Variants in TMEM102 observed in about 807,000 individuals in gnomAD.
TMEM102 encodes transmembrane protein 102, also known as DANGER family member 2B.
Under a neutral mutation model 26.8 loss-of-function variants are expected in TMEM102, and 28 were observed. That is an observed-to-expected ratio of 1.05 (90% CI 0.77 to 1.43). TMEM102 has a LOEUF of 1.43. TMEM102 is among the 40% of genes most tolerant of loss of function. The pLI is 0.00. For missense variants in TMEM102, 677 were observed against 705.6 expected, an observed-to-expected ratio of 0.96 and a Z score of 0.46; for synonymous variants, 306 against 332.1, an observed-to-expected ratio of 0.92 and a Z score of 0.86.
In TMEM102 at chr17:7,436,536, G is replaced by A. The variant is rs767153426; in HGVS notation, c.557G>A (p.Trp186Ter). Reference protein sequence around the residue: ...RTESEESSKDWQSSVDQPHSY... With the variant: ...RTESEESSKD ...GAGAGCGAAGAAAGTTCCAAGGACTGGCAAAGCTCTGTAGACCAGCCGCAC... is the reference window on the plus strand; with the variant it reads ...GAGAGCGAAGAAAGTTCCAAGGACTAGCAAAGCTCTGTAGACCAGCCGCAC... The change falls in exon 3 of 3, where the codon TGG (tryptophan) becomes TAG (stop). Residue 186 changes from tryptophan (W) to a stop codon, truncating the protein, a stop_gained. Coordinates refer to ENST00000323206, the MANE Select transcript of TMEM102 (RefSeq NM_178518.3). LOFTEE classifies it high-confidence loss of function. The A allele has an allele frequency of 2.3e-5, 37 of 1,613,882 alleles. No homozygotes were observed. The highest frequency in any genetic ancestry group is 3.4e-6 in the Non-Finnish European group (4 of 1,180,046).
Position 7,436,268 on chromosome 17 carries a change from G to A in TMEM102, c.289G>A (p.Gly97Ser). The A allele has an allele frequency of 3.1e-6, 5 of 1,613,632 alleles. No individual in the cohort carries two copies. The highest frequency in any genetic ancestry group is 4.2e-6 in the Non-Finnish European group (5 of 1,180,016). The change falls in exon 3 of 3, where the codon GGC (glycine) becomes AGC (serine). Residue 97 changes from glycine (G) to serine (S), a missense_variant. Physicochemically the swap from Gly to Ser is moderately conservative, Grantham distance 56 (BLOSUM62 0). Coordinates refer to ENST00000323206, the MANE Select transcript of TMEM102 (RefSeq NM_178518.3). The part of the protein sequence containing the change: ...LLLLRGGIRE[G>S]SLDLGHAPLG... ...GCTGCTTCGTGGTGGGATTCGCGAG[G>A]GCTCCCTGGATCTGGGGCATGCACC...
rs1200167203 is a variant in TMEM102, at chr17:7,435,964, G to A, written c.93G>A (p.Gly31=). The part of the protein sequence containing the change: ...RPLTDIDFCS[G]AQLQELTQLI... ...TCACGGACATCGACTTCTGCTCCGG[G>A]GCGCAGCTGCAGGAATTGACCCAGC... is the stretch of plus-strand genomic sequence containing the variant. The change falls in exon 2 of 3, where the codon GGG becomes GGA. Residue 31 remains glycine (G), a synonymous_variant. Coordinates refer to ENST00000323206, the MANE Select transcript of TMEM102 (RefSeq NM_178518.3). 1.9e-6 allele frequency: 3 copies of A among 1,613,066 alleles called. No homozygotes were observed. In the African/African-American group the frequency reaches 4.0e-5, roughly 22 times the overall value.
Position 7,437,072 on chromosome 17 carries a change from C to T in TMEM102, c.1093C>T (p.Leu365Phe). The T allele has an allele frequency of 6.5e-7, 1 of 1,539,062 alleles. No homozygotes were observed. The highest frequency in any genetic ancestry group is 1.2e-5 in the South Asian group (1 of 84,360). Residue 365 changes from leucine (L) to phenylalanine (F), a missense_variant, in exon 3 of 3, where the codon CTC becomes TTC. By Grantham distance (22) the Leu-to-Phe change is conservative. Transcript: ENST00000323206. This position sits in a 1 kb window ranked among gnomAD's most constrained non-coding sequence, Gnocchi z 4.2. ...TERPCASAWQ[L>F]CFARQELALK... The stretch of plus-strand genomic sequence containing the variant: ...GCGGCCGTGCGCCTCCGCCTGGCAG[C>T]TCTGTTTTGCCCGCCAGGAGCTGGC...
rs1334363852 is a variant in TMEM102, at chr17:7,436,775, G to A, written c.796G>A (p.Val266Met). 8 of 1,613,702 alleles carry A rather than the reference G, an allele frequency of 5.0e-6. No individual in the cohort carries two copies. The Admixed American group carries it at 1.2e-4, about 24-fold the overall frequency. ...GTGGCCCACATTATGTTCCGCCCAG[G>A]TGGCTGCCTGGTTCTTTGCTACGCT... Reference protein sequence around the residue: ...EAWPTLCSAQVAAWFFATLAA... With the variant: ...EAWPTLCSAQMAAWFFATLAA... Residue 266 changes from valine to methionine, a missense_variant, in exon 3 of 3, where the codon GTG (valine) becomes ATG (methionine). Transcript: ENST00000323206.
chr17:7,436,584 C>A lies in TMEM102; in HGVS notation c.605C>A (p.Ala202Glu), dbSNP rs76805816. 6.2e-7 allele frequency: 1 copy of A among 1,613,950 alleles called. No individual in the cohort carries two copies. The highest frequency in any genetic ancestry group is 1.1e-5 in the South Asian group (1 of 91,086). ...QPHSYVTEHEAPVSLEKSPSD... is the reference protein window; with the variant it reads ...QPHSYVTEHEEPVSLEKSPSD... The stretch of plus-strand genomic sequence containing the variant: ...CACAGCTACGTCACTGAGCACGAGG[C>A]GCCGGTGTCTTTGGAAAAATCGCCT... Residue 202 changes from alanine to glutamate, a missense_variant, in exon 3 of 3, where the codon GCG becomes GAG. By Grantham distance (107) the Ala-to-Glu change is moderately radical (BLOSUM62 -1). Coordinates refer to ENST00000323206, the MANE Select transcript of TMEM102 (RefSeq NM_178518.3).
In TMEM102 at chr17:7,437,284, CG is replaced by C. The variant is rs1908082342; in HGVS notation, c.1308del (p.Leu437CysfsTer2). On this transcript the variant is annotated frameshift_variant, in exon 3 of 3. Transcript: ENST00000323206. LOFTEE classifies it high-confidence loss of function. This position sits in a 1 kb window ranked among gnomAD's most constrained non-coding sequence, Gnocchi z 4.2. ...RPENAGACCL[G>X]LLDELGRVLE... ...CAGAAAATGCGGGCGCCTGCTGCCT[CG>C]GGCTGCTAGACGAGCTCGGCCGAGT... The C allele has an allele frequency of 6.5e-7, 1 of 1,545,432 alleles. No homozygotes were observed. The highest frequency in any genetic ancestry group is 2.1e-5 in the Admixed American group (1 of 48,358).
chr17:7,436,310 C>G lies in TMEM102; in HGVS notation c.331C>G (p.Arg111Gly). The change falls in exon 3 of 3, where the codon CGG (arginine) becomes GGG (glycine). Residue 111 changes from arginine (R) to glycine (G), a missense_variant. By Grantham distance (125) the Arg-to-Gly change is moderately radical (BLOSUM62 -2). Coordinates refer to ENST00000323206, the MANE Select transcript of TMEM102 (RefSeq NM_178518.3). ...LGHAPLGPYA[R>G]GPHYDAGFTL... Reference sequence around the variant, plus strand: ...GCATGCACCCCTGGGTCCCTACGCCCGGGGACCTCACTACGATGCCGGCTT... The same window carrying G: ...GCATGCACCCCTGGGTCCCTACGCCGGGGGACCTCACTACGATGCCGGCTT... 6.2e-7 allele frequency: 1 copy of G among 1,613,786 alleles called. No individual in the cohort carries two copies. The highest frequency in any genetic ancestry group is 8.5e-7 in the Non-Finnish European group (1 of 1,180,018).
chr17:7,435,775 T>C (rs1907985281), intron 1 of TMEM102, 78 bp from the exon 2 acceptor site: 2 of 1,160,132 alleles, frequency 1.7e-6, no homozygotes, highest in Non-Finnish European at 2.4e-6. Context: ...TCTGGGGCAC[T>C]CGCTCGGCCT....
rs748940661 is a variant in TMEM102, at chr17:7,437,243, C to A, written c.1264C>A (p.Leu422Ile). The A allele has an allele frequency of 5.2e-6, 8 of 1,523,876 alleles. No homozygotes were observed. Among genetic ancestry groups the A allele is most frequent in the Non-Finnish European group, 7.0e-6 (8 of 1,138,876 alleles). 94.4% of individuals were successfully genotyped at this position (1,523,876 alleles called of 1,614,324 possible). ...CTGGGCGTGCGAGCGGCTGCCTGCG[C>A]TCTACCTGGCGCGGCCAGAAAATGC... ...LYWACERLPA[L>I]YLARPENAGA... is the part of the protein sequence containing the mutation. The change falls in exon 3 of 3, where the codon CTC (leucine) becomes ATC (isoleucine). Residue 422 changes from leucine to isoleucine, a missense_variant. Transcript: ENST00000323206. This position sits in a 1 kb window ranked among gnomAD's most constrained non-coding sequence, Gnocchi z 4.2.
In TMEM102 at chr17:7,435,921, C is replaced by T. The variant is rs1404119777; in HGVS notation, c.50C>T (p.Pro17Leu). The part of the protein sequence containing the change: ...GSAPWWGPPP[P>L]APARPLTDID... ...GCCCCCTGGTGGGGCCCGCCGCCCC[C>T]GGCCCCAGCTCGGCCGCTCACGGAC... is the stretch of plus-strand genomic sequence containing the variant. Residue 17 changes from proline (P) to leucine (L), a missense_variant, in exon 2 of 3, where the codon CCG becomes CTG. Coordinates refer to ENST00000323206, the MANE Select transcript of TMEM102 (RefSeq NM_178518.3). 3 of 1,611,150 alleles carry T rather than the reference C, an allele frequency of 1.9e-6. No homozygotes were observed. The highest frequency in any genetic ancestry group is 2.5e-6 in the Non-Finnish European group (3 of 1,179,256).
At position 7,437,659 on chromosome 17, in the gene TMEM102, C is replaced by A; in HGVS notation, c.*153C>A. The A allele has an allele frequency of 2.0e-6, 1 of 503,322 alleles. No individual in the cohort carries two copies. The highest frequency in any genetic ancestry group is 3.2e-6 in the Non-Finnish European group (1 of 308,298). 31.2% of individuals were successfully genotyped at this position (503,322 alleles called of 1,614,324 possible). A position where few individuals can be genotyped will look rare whatever the true frequency, so the allele number is the denominator to read the frequency against. ...TGTTGGTTCCTCCTCTACGCCCACCCGCCTGCCCCCGCACAAGTTGCCCCA... is the reference window on the plus strand; with the variant it reads ...TGTTGGTTCCTCCTCTACGCCCACCAGCCTGCCCCCGCACAAGTTGCCCCA... On this transcript the variant is annotated 3_prime_UTR_variant, in exon 3 of 3. Coordinates refer to ENST00000323206, the MANE Select transcript of TMEM102 (RefSeq NM_178518.3). This position sits in a 1 kb window ranked among gnomAD's most constrained non-coding sequence, Gnocchi z 4.2.
chr17:7,437,292 T>C lies in TMEM102; in HGVS notation c.1313T>C (p.Leu438Pro). ...ENAGACCLGL[L>P]DELGRVLEAG... ...GCGGGCGCCTGCTGCCTCGGGCTGC[T>C]AGACGAGCTCGGCCGAGTGCTCGAG... The change falls in exon 3 of 3, where the codon CTA (leucine) becomes CCA (proline). Residue 438 changes from leucine (L) to proline (P), a missense_variant. Leu to Pro is a moderately conservative substitution (Grantham distance 98). Coordinates refer to ENST00000323206, the MANE Select transcript of TMEM102 (RefSeq NM_178518.3). This position sits in a 1 kb window ranked among gnomAD's most constrained non-coding sequence, Gnocchi z 4.2. The C allele has an allele frequency of 6.5e-7, 1 of 1,547,630 alleles. No individual in the cohort carries two copies. Among genetic ancestry groups the C allele is most frequent in the Non-Finnish European group, 8.7e-7 (1 of 1,152,842 alleles).
chr17:7,437,586 A>C lies in TMEM102; in HGVS notation c.*80A>C. ...GCCCTGCTCGCCCCTCGCCAGGGGG[A>C]CTGACTGTGTGCCCTGGGCCTGAAG... is the stretch of plus-strand genomic sequence containing the variant. On this transcript the variant is annotated 3_prime_UTR_variant, in exon 3 of 3. Transcript: ENST00000323206. This position sits in a 1 kb window ranked among gnomAD's most constrained non-coding sequence, Gnocchi z 4.2. 4.8e-6 allele frequency: 5 copies of C among 1,031,218 alleles called. No individual in the cohort carries two copies. Among genetic ancestry groups the C allele is most frequent in the South Asian group, 2.2e-5 (1 of 44,652 alleles). 63.9% of individuals were successfully genotyped at this position (1,031,218 alleles called of 1,614,324 possible).
chr17:7,437,432 C>G lies in TMEM102; in HGVS notation c.1453C>G (p.Arg485Gly), dbSNP rs146078823. Residue 485 changes from arginine to glycine, a missense_variant, in exon 3 of 3, where the codon CGT becomes GGT. Coordinates refer to ENST00000323206, the MANE Select transcript of TMEM102 (RefSeq NM_178518.3). The surrounding 1 kb of genome is among the most constrained non-coding windows in gnomAD (Gnocchi z 4.2). ...RLRGDPARAL[R>G]AAVEEAKVAR... ...CCGCGGGGACCCGGCCCGGGCCCTC[C>G]GTGCCGCGGTGGAGGAGGCCAAAGT... 1.4e-5 allele frequency: 20 copies of G among 1,471,410 alleles called. No homozygotes were observed. Among genetic ancestry groups the G allele is most frequent in the South Asian group, 4.0e-5 (3 of 74,566 alleles). 91.1% of individuals were successfully genotyped at this position (1,471,410 alleles called of 1,614,324 possible). A position where few individuals can be genotyped will look rare whatever the true frequency, so the allele number is the denominator to read the frequency against.
intron 1 of TMEM102, 75 bp from the exon 2 acceptor site, chr17:7,435,778 C>A: frequency 8.3e-7 from 1 of 1,208,136 alleles, no homozygotes. Context: ...GGGGCACTCG[C>A]TCGGCCTCAG....
Position 7,437,419 on chromosome 17 carries a change from G to A in TMEM102, c.1440G>A (p.Pro480=), listed in dbSNP as rs779873765. 6.7e-7 allele frequency: 1 copy of A among 1,498,680 alleles called. No individual in the cohort carries two copies. Among genetic ancestry groups the A allele is most frequent in the South Asian group, 1.3e-5 (1 of 78,374 alleles). 92.8% of individuals were successfully genotyped at this position (1,498,680 alleles called of 1,614,324 possible). The change falls in exon 3 of 3, where the codon CCG becomes CCA. Residue 480 remains proline (P), a synonymous_variant. Transcript: ENST00000323206. The surrounding 1 kb of genome is among the most constrained non-coding windows in gnomAD (Gnocchi z 4.2). Reference sequence around the variant, plus strand: ...AATTGGCCCGGCTCCGCGGGGACCCGGCCCGGGCCCTCCGTGCCGCGGTGG... The same window carrying A: ...AATTGGCCCGGCTCCGCGGGGACCCAGCCCGGGCCCTCCGTGCCGCGGTGG... ...LGELARLRGD[P]ARALRAAVEE... is the part of the protein sequence containing the mutation.
rs531917336 is a variant in TMEM102 at position 7,436,774 on chromosome 17, G to A, written c.795G>A (p.Gln265=). The A allele has an allele frequency of 1.7e-5, 27 of 1,613,812 alleles. No homozygotes were observed. In the East Asian group the frequency reaches 6.0e-4, roughly 36 times the overall value. ...CGTGGCCCACATTATGTTCCGCCCA[G>A]GTGGCTGCCTGGTTCTTTGCTACGC... ...REAWPTLCSA[Q]VAAWFFATLA... is the part of the protein sequence containing the mutation. The change falls in exon 3 of 3, where the codon CAG becomes CAA. Residue 265 remains glutamine, a synonymous_variant. Coordinates refer to ENST00000323206, the MANE Select transcript of TMEM102 (RefSeq NM_178518.3).
chr17:7,436,050 T>A lies in TMEM102; in HGVS notation c.179T>A (p.Leu60His). Residue 60 changes from leucine (L) to histidine (H), a missense_variant, in exon 2 of 3, where the codon CTC becomes CAC. Coordinates refer to ENST00000323206, the MANE Select transcript of TMEM102 (RefSeq NM_178518.3). ...GACGGGCCCAAGCCGGGAGCCGATC[T>A]CCTCCGGGCCAAGGACTTTGTCTTC... is the stretch of plus-strand genomic sequence containing the variant. Reference protein sequence around the residue: ...WSDGPKPGADLLRAKDFVFSL... With the variant: ...WSDGPKPGADHLRAKDFVFSL... 1 of 1,613,898 alleles carries A rather than the reference T, an allele frequency of 6.2e-7. No homozygotes were observed.
At position 7,436,517 on chromosome 17, in the gene TMEM102, G is replaced by T. The variant is rs1388705213; in HGVS notation, c.538G>T (p.Glu180Ter). 6.2e-7 allele frequency: 1 copy of T among 1,613,976 alleles called. No homozygotes were observed. Among genetic ancestry groups the T allele is most frequent in the East Asian group, 2.2e-5 (1 of 44,884 alleles). ...TGATTCGATCCACCGAACGGAGAGCGAAGAAAGTTCCAAGGACTGGCAAAG... is the reference window on the plus strand; with the variant it reads ...TGATTCGATCCACCGAACGGAGAGCTAAGAAAGTTCCAAGGACTGGCAAAG... ...ARDSIHRTESEESSKDWQSSV... is the reference protein window; with the variant it reads ...ARDSIHRTES Residue 180 changes from glutamate (E) to a stop codon, truncating the protein, a stop_gained, in exon 3 of 3, where the codon GAA becomes TAA. Coordinates refer to ENST00000323206, the MANE Select transcript of TMEM102 (RefSeq NM_178518.3). LOFTEE classifies it high-confidence loss of function.
Sources: gnomAD v4.1 joint callset for allele counts on GRCh38, gnomAD v4.1.1 for gene constraint, Gnocchi (gnomAD v3.1) non-coding constraint, MANE v1.5 for transcripts, NCBI Gene and HGNC (gene_info 2026-07-23, HGNC 2026-07-21) for gene names.